Variants in SRPK2 observed in about 807,000 individuals in gnomAD.
SRPK2 encodes SRSF protein kinase 2.
In SRPK2, 21 loss-of-function variants were observed where a neutral mutation model predicts 90.8. The ratio of observed to expected loss-of-function variants is 0.23; its 90% CI spans 0.16 to 0.33. SRPK2 has a LOEUF of 0.33. Ranked by LOEUF, SRPK2 falls within the 10% of genes least tolerant of loss-of-function variation. The pLI is 1.00. For missense variants in SRPK2, 620 were observed against 869.0 expected (o/e 0.71, Z 3.60); for synonymous variants, 288 against 311.1 (o/e 0.93, Z 0.78).
rs370466411 is a variant in SRPK2, at chr7:105,169,229, T to C, written c.266A>G (p.Asn89Ser). 1.1e-5 allele frequency: 18 copies of C among 1,613,850 alleles called. No homozygotes were observed. Among genetic ancestry groups the C allele is most frequent in the African/African-American group, 6.7e-5 (5 of 74,896 alleles). The change falls in exon 4 of 16, where the codon AAT becomes AGT. Residue 89 changes from asparagine (N) to serine (S), a missense_variant. Asn to Ser is a conservative substitution (Grantham distance 46). Coordinates refer to ENST00000393651, the MANE Select transcript of SRPK2 (RefSeq NM_182692.3). ...YHPVKIGDLF[N>S]GRYHVIRKLG... ...CTTTCTAATAACATGATACCGGCCA[T>C]TGAAGAGGTCTCCAATTTTCACTGG...
chr7:105,370,379 T>C (rs560776234), intron 2 of SRPK2, among the ~76,000 whole-genome samples: 1 of 152,246 alleles, frequency 6.6e-6, no homozygotes, highest in Admixed American at 6.5e-5. Context: ...GTACCCACAC[T>C]ATATGTTCAC....
At chr7:105,334,743 GGCGGGA>G (rs1471005948) in intron 2 of SRPK2, among the ~76,000 whole-genome samples, 1 of 150,464 alleles carries the variant, frequency 6.6e-6, no homozygotes, top group African/African-American at 2.5e-5. Context: ...AGGAGGCTGA[GGCGGGA>G]GAATCACTTG....
chr7:105,119,727 C>T (rs921894969), intron 15 of SRPK2, among the ~76,000 whole-genome samples: 2 of 152,174 alleles, frequency 1.3e-5, no homozygotes, highest in Non-Finnish European at 2.9e-5. Flanking sequence ...GCAGGTTTAT[C>T]CCTCTAAGCC....
intron 2 of SRPK2, among the ~76,000 whole-genome samples, chr7:105,297,737 ATTTTTTT>A (rs202204947): frequency 5.0e-5 from 6 of 120,092 alleles, no homozygotes; most frequent in Admixed American, 1.7e-4. Flanking sequence ...TAAGCTGTAA[ATTTTTTT>A]TTTTTTTTTT....
rs1288311141 is a variant in SRPK2 at position 105,117,627 on chromosome 7, G to C, written c.*211C>G. On this transcript the variant is annotated 3_prime_UTR_variant, in exon 16 of 16. Coordinates refer to ENST00000393651, the MANE Select transcript of SRPK2 (RefSeq NM_182692.3). ...TATTGTTTCCAGAAGAAAATGGTCA[G>C]TAAACTACTTAGCTGAAGACAAAAG... 7 of 568,910 alleles carry C rather than the reference G, an allele frequency of 1.2e-5. No individual in the cohort carries two copies. In the East Asian group the frequency reaches 2.1e-4, roughly 17 times the overall value. The allele number at this position is 568,910 out of a possible 1,614,324, so 35.2% of individuals were successfully genotyped here.
intron 1 of SRPK2, among the ~76,000 whole-genome samples, chr7:105,395,174 A>G (rs933521708): frequency 3.3e-5 from 5 of 151,940 alleles, no homozygotes; most frequent in African/African-American, 1.2e-4. Context: ...CTCCATCTCA[A>G]AAACAAAACA....
chr7:105,158,802 GTTTT>G (rs1008302927), intron 7 of SRPK2, among the ~76,000 whole-genome samples: 2 of 142,372 alleles, frequency 1.4e-5, no homozygotes, highest in Non-Finnish European at 3.1e-5. Context: ...ATTTTTTTGT[GTTTT>G]TTTGTGTTTT....
At chr7:105,326,993 G>A (rs961970292) in intron 2 of SRPK2, among the ~76,000 whole-genome samples, 1 of 151,618 alleles carries the variant, frequency 6.6e-6, no homozygotes, top group African/African-American at 2.4e-5. Flanking sequence ...AACCCAGGAG[G>A]TGGAGGCTGC....
intron 9 of SRPK2, 56 bp downstream of exon 9, chr7:105,145,224 CAAT>C: frequency 5.9e-6 from 8 of 1,350,924 alleles, no homozygotes; most frequent in Non-Finnish European, 8.0e-6. Context: ...TTGAACAACT[CAAT>C]AATAAACGGT....
intron 3 of SRPK2, among the ~76,000 whole-genome samples, chr7:105,170,453 G>C (rs1790665138): frequency 6.6e-6 from 1 of 152,052 alleles, no homozygotes; most frequent in Non-Finnish European, 1.5e-5. Flanking sequence ...AGCACTTTGG[G>C]AGGCCAAGGC....
At chr7:105,371,260 C>T (rs1027911389) in intron 2 of SRPK2, among the ~76,000 whole-genome samples, 2 of 151,208 alleles carry the variant, frequency 1.3e-5, no homozygotes, top group African/African-American at 4.9e-5. Flanking sequence ...AAAAATCAAC[C>T]AGGCATGGTG....
chr7:105,117,806 G>C lies in SRPK2; in HGVS notation c.*32C>G, dbSNP rs1380129851. ...TAGGTCCAATGTACTGGGAACATTT[G>C]CTAGCTCAGAATGCAATATTGGTAG... On this transcript the variant is annotated 3_prime_UTR_variant, in exon 16 of 16. Coordinates refer to ENST00000393651, the MANE Select transcript of SRPK2 (RefSeq NM_182692.3). 1 of 1,608,814 alleles carries C rather than the reference G, an allele frequency of 6.2e-7. No individual in the cohort carries two copies. The highest frequency in any genetic ancestry group is 8.5e-7 in the Non-Finnish European group (1 of 1,177,264).
intron 3 of SRPK2, among the ~76,000 whole-genome samples, chr7:105,180,216 G>GCAAAAACAAACA (rs1792588194): frequency 6.6e-6 from 1 of 152,104 alleles, no homozygotes; most frequent in African/African-American, 2.4e-5. Flanking sequence ...TGGCACTGAT[G>GCAAAAACAAACA]CAAAAACAAA....
chr7:105,313,446 CAAAAAAAAAA>C (rs546210374), intron 2 of SRPK2, among the ~76,000 whole-genome samples: 4 of 64,552 alleles, frequency 6.2e-5, no homozygotes, highest in Non-Finnish European at 1.3e-4. Context: ...GACTCCATCT[CAAAAAAAAAA>C]AAAAAAAAAT....
At chr7:105,198,822 C>T (rs1343068014) in intron 3 of SRPK2, among the ~76,000 whole-genome samples, 1 of 151,948 alleles carries the variant, frequency 6.6e-6, no homozygotes, top group Non-Finnish European at 1.5e-5. Flanking sequence ...AGATGAAAAA[C>T]CAAAGCCTAA....
chr7:105,134,335 C>T (rs1042397420), intron 11 of SRPK2, among the ~76,000 whole-genome samples: 2 of 152,140 alleles, frequency 1.3e-5, no homozygotes, highest in Admixed American at 6.5e-5. Flanking sequence ...GTGTGTAGCA[C>T]GTCCCCCTTC....
chr7:105,335,577 A>C (rs1455367698), intron 2 of SRPK2, among the ~76,000 whole-genome samples: 1 of 150,686 alleles, frequency 6.6e-6, no homozygotes, highest in African/African-American at 2.4e-5. Context: ...GGCTCGACTG[A>C]GCCCAGGAGG....
intron 3 of SRPK2, among the ~76,000 whole-genome samples, chr7:105,172,820 C>A (rs2299306): frequency 6.6e-6 from 1 of 152,100 alleles, no homozygotes; most frequent in Non-Finnish European, 1.5e-5. Flanking sequence ...ACTACTTAAA[C>A]GTACATTATT....
intron 2 of SRPK2, among the ~76,000 whole-genome samples, chr7:105,360,167 T>C (rs1202274598): frequency 6.6e-6 from 1 of 152,194 alleles, no homozygotes; most frequent in African/African-American, 2.4e-5. Context: ...TCTTTGCTGG[T>C]TTAAAGTCTG....
Sources: allele counts gnomAD v4.1 joint callset (sites outside exome capture counted in the v4.1 genomes callset), GRCh38; gene constraint gnomAD v4.1.1; transcripts MANE v1.5; gene names NCBI Gene and HGNC (gene_info 2026-07-23, HGNC 2026-07-21).